Variants in PDIA4 observed in about 807,000 individuals in gnomAD.
PDIA4 encodes the protein protein disulfide isomerase family A member 4, also known as protein disulfide-isomerase A4.
In PDIA4, 33 loss-of-function variants were observed where a neutral mutation model predicts 62.1. The ratio of observed to expected loss-of-function variants is 0.53; its 90% CI spans 0.40 to 0.71. The LOEUF (loss-of-function observed/expected upper bound fraction) is 0.71, where lower values mean the gene tolerates loss of function less well. PDIA4 is among the 30% of genes least tolerant of loss of function. The probability of loss-of-function intolerance (pLI) is 0.00; values close to 1 mark genes in which losing one functional copy is unlikely to be tolerated. For synonymous variants in PDIA4, 341 were observed against 324.1 expected (o/e 1.05, Z -0.56); for missense variants, 804 against 813.6 (o/e 0.99, Z 0.14).
At chr7:149,005,014 G>A (rs1823691883) in intron 9 of PDIA4, 127 bp downstream of exon 9, 1 of 732,974 alleles carries the variant, frequency 1.4e-6, no homozygotes, top group Non-Finnish European at 2.4e-6. Context: ...GGGTGAGAGA[G>A]GACTGCTGGC....
At chr7:149,022,294 T>C (rs1824379917) in intron 1 of PDIA4, among the ~76,000 whole-genome samples, 1 of 152,178 alleles carries the variant, frequency 6.6e-6, no homozygotes, top group African/African-American at 2.4e-5. Flanking sequence ...TAGAAATTGA[T>C]GGGGTCAACA....
At chr7:149,005,407 C>A in intron 8 of PDIA4, 33 bp from the exon 9 acceptor site, 1 of 1,408,620 alleles carries the variant, frequency 7.1e-7, no homozygotes, top group Non-Finnish European at 1.0e-6. Flanking sequence ...AGCCAGGCGG[C>A]CACACAGAGC....
At chr7:149,008,411 C>T (rs1178734360) in intron 6 of PDIA4, 101 bp from the exon 7 acceptor site, 2 of 1,267,018 alleles carry the variant, frequency 1.6e-6, no homozygotes, top group Non-Finnish European at 2.2e-6. Context: ...CTGAAAATGA[C>T]CACTGTAGGC....
Position 149,014,798 on chromosome 7 carries a change from C to T in PDIA4, c.614+106G>A, listed in dbSNP as rs1039669220. 4.0e-5 allele frequency: 42 copies of T among 1,053,644 alleles called. No individual in the cohort carries two copies. The Admixed American group carries it at 8.2e-4, about 21-fold the overall frequency. 65.3% of individuals were successfully genotyped at this position (1,053,644 alleles called of 1,614,324 possible). A position where few individuals can be genotyped will look rare whatever the true frequency, so the allele number is the denominator to read the frequency against. The stretch of plus-strand genomic sequence containing the variant: ...CCTCAATCCTGGCCTACAACTCGTG[C>T]CCACCTTGCTCCTCTGCTGTTCCTG... On this transcript the variant is annotated intron_variant, in intron 4 of 9. Coordinates refer to ENST00000652332, the MANE Select transcript of PDIA4 (RefSeq NM_004911.5).
In PDIA4 at chr7:149,003,795, CA is replaced by C; in HGVS notation, c.1936del (p.Ter646GlufsTer41). 6.5e-7 allele frequency: 1 copy of C among 1,535,840 alleles called. No homozygotes were observed. ...CCACCTTCCGCAGACCTCAGGCCTT[CA>C]AAGCTCTTCCTTGGTCCTGCTCAGT... The part of the protein sequence containing the change: ...TKLSRTKEEL[*>X] On this transcript the variant is annotated frameshift_variant and stop_lost, in exon 10 of 10. Coordinates refer to ENST00000652332, the MANE Select transcript of PDIA4 (RefSeq NM_004911.5). LOFTEE classifies it high-confidence loss of function.
At chr7:149,012,573 G>A (rs1233050781) in intron 4 of PDIA4, among the ~76,000 whole-genome samples, 1 of 152,138 alleles carries the variant, frequency 6.6e-6, no homozygotes, top group Non-Finnish European at 1.5e-5. Flanking sequence ...TCACACACTG[G>A]GGGTGGAGCA....
At position 149,005,133 on chromosome 7, in the gene PDIA4, G is replaced by T; in HGVS notation, c.1522+8C>A. 1.2e-6 allele frequency: 2 copies of T among 1,605,358 alleles called. No individual in the cohort carries two copies. The highest frequency in any genetic ancestry group is 1.7e-6 in the Non-Finnish European group (2 of 1,172,100). ...GATGGGAGACCCCAGCCCCAGCCAC[G>T]GGCTCACCTTTTTTGAAAGCAGTGA... On this transcript the variant is annotated splice_region_variant and intron_variant, in intron 9 of 9. Coordinates refer to ENST00000652332, the MANE Select transcript of PDIA4 (RefSeq NM_004911.5).
chr7:149,013,053 G>A (rs1824007079), intron 4 of PDIA4, among the ~76,000 whole-genome samples: 1 of 152,046 alleles, frequency 6.6e-6, no homozygotes, highest in Admixed American at 6.6e-5. Context: ...TTTGAGACCA[G>A]CCTGGCCAAC....
chr7:149,013,202 C>G (rs754441294), intron 4 of PDIA4, among the ~76,000 whole-genome samples: 1 of 152,044 alleles, frequency 6.6e-6, no homozygotes, highest in East Asian at 1.9e-4. Context: ...GAGCCAAGAT[C>G]GCACCACTGC....
intron 6 of PDIA4, 26 bp downstream of exon 6, chr7:149,011,820 G>A (rs1563120818): frequency 1.3e-6 from 2 of 1,516,066 alleles, no homozygotes; most frequent in Non-Finnish European, 1.8e-6. Context: ...CGCACATTTT[G>A]TTCAGCCCAG....
intron 1 of PDIA4, among the ~76,000 whole-genome samples, chr7:149,021,614 T>G (rs1430478705): frequency 1.3e-5 from 2 of 151,934 alleles, no homozygotes; most frequent in African/African-American, 2.4e-5. Flanking sequence ...TCATGCCAGC[T>G]GTTCTAAGTT....
In PDIA4 at chr7:149,011,920, T is replaced by A; in HGVS notation, c.905A>T (p.Asp302Val). The A allele has an allele frequency of 6.2e-7, 1 of 1,610,090 alleles. No homozygotes were observed. Among genetic ancestry groups the A allele is most frequent in the Non-Finnish European group, 8.5e-7 (1 of 1,177,860 alleles). The change falls in exon 6 of 10, where the codon GAT (aspartate) becomes GTT (valine). Residue 302 changes from aspartate (D) to valine (V), a missense_variant. Asp to Val is a radical substitution (Grantham distance 152). Coordinates refer to ENST00000652332, the MANE Select transcript of PDIA4 (RefSeq NM_004911.5). ...CCCGATGATGATGACATCGTCTCCA[T>A]CCTTCAGGAACTCCTGGACCTGCTT... ...TLKQVQEFLK[D>V]GDDVIIIGVF... is the part of the protein sequence containing the mutation.
intron 1 of PDIA4, among the ~76,000 whole-genome samples, chr7:149,023,919 C>A (rs1286134075): frequency 6.6e-6 from 1 of 152,148 alleles, no homozygotes. Context: ...ACACAGCATT[C>A]CTAAGAGGCA....
rs1823721650 is a variant in PDIA4 at position 149,005,467 on chromosome 7, T to A, written c.1289-93A>T. On this transcript the variant is annotated intron_variant, in intron 8 of 9. Transcript: ENST00000652332. ...CAGGCTTCAGGTCCTGTCGCTAATA[T>A]TCTGACAATGCTCAAACCCTGGATT... The A allele has an allele frequency of 3.0e-5, 24 of 787,306 alleles. No homozygotes were observed. In the South Asian group the frequency reaches 3.2e-4, roughly 10 times the overall value. The allele number at this position is 787,306 out of a possible 1,614,324, so 48.8% of individuals were successfully genotyped here.
chr7:149,026,231 A>G (rs1055522343), intron 1 of PDIA4, among the ~76,000 whole-genome samples: 1 of 152,222 alleles, frequency 6.6e-6, no homozygotes, highest in African/African-American at 2.4e-5. Flanking sequence ...GGGATGAGAA[A>G]GGGTCAAGGT....
chr7:149,008,074 C>G, intron 7 of PDIA4, 85 bp downstream of exon 7: 3 of 1,307,836 alleles, frequency 2.3e-6, no homozygotes, highest in Admixed American at 2.3e-5. Flanking sequence ...GAAACCTCCA[C>G]GTTTGAAACC....
intron 7 of PDIA4, among the ~76,000 whole-genome samples, chr7:149,007,068 G>A (rs728451): frequency 0.011 from 1,660 of 152,322 alleles, 24 homozygotes; most frequent in East Asian, 0.073. Context: ...CTGGATGGAA[G>A]GAAGTGAAGC....
chr7:149,015,092 A>G, intron 3 of PDIA4, 50 bp from the exon 4 acceptor site: 1 of 1,599,152 alleles, frequency 6.3e-7, no homozygotes, highest in South Asian at 1.1e-5. Flanking sequence ...ACTGGCAGGC[A>G]CTTCACCTCC....
chr7:149,017,959 G>T (rs1392510746), intron 3 of PDIA4, among the ~76,000 whole-genome samples: 1 of 152,200 alleles, frequency 6.6e-6, no homozygotes, highest in East Asian at 1.9e-4. Context: ...GGCGGGCGTG[G>T]TGGTTCACGC....
Sources: allele counts gnomAD v4.1 joint callset (sites outside exome capture counted in the v4.1 genomes callset), GRCh38; gene constraint gnomAD v4.1.1; transcripts MANE v1.5; gene names NCBI Gene and HGNC (gene_info 2026-07-23, HGNC 2026-07-21).